The following ZMYM2 variants were observed in gnomAD, a reference collection of about 807,000 sequenced individuals.
ZMYM2 encodes zinc finger MYM-type containing 2.
A neutral mutation model predicts 162.8 loss-of-function variants in ZMYM2; 56 were observed. The observed-to-expected ratio is 0.34, with a 90% CI of 0.28 to 0.43. The LOEUF (loss-of-function observed/expected upper bound fraction) is 0.43, where lower values mean the gene tolerates loss of function less well. ZMYM2 is among the 20% of genes least tolerant of loss of function. The pLI is 1.00. For synonymous variants in ZMYM2, 510 were observed against 541.6 expected (o/e 0.94, Z 0.81); for missense variants, 1,275 against 1,621.8 (o/e 0.79, Z 3.67).
chr13:19,984,697 G>C (rs532846756), intron 2 of ZMYM2, among the ~76,000 whole-genome samples: 2 of 152,272 alleles, frequency 1.3e-5, no homozygotes, highest in African/African-American at 4.8e-5. Flanking sequence ...ATGTTTTCTG[G>C]TTGAAACATT....
chr13:19,913,812 C>T, the ZMYM2 span, among the ~76,000 whole-genome samples: 1 of 152,188 alleles, frequency 6.6e-6, no homozygotes, highest in South Asian at 2.1e-4. Flanking sequence ...GAAGCATTCG[C>T]CTGAATGCCC....
chr13:20,045,141 C>T (rs1954648602), intron 12 of ZMYM2, among the ~76,000 whole-genome samples: 1 of 149,614 alleles, frequency 6.7e-6, no homozygotes, highest in African/African-American at 2.5e-5. Flanking sequence ...ATGAAATAGT[C>T]GAATATGGAG....
chr13:19,906,284 G>GTGTATA, the ZMYM2 span, among the ~76,000 whole-genome samples: 163 of 63,786 alleles, frequency 2.6e-3, no homozygotes, highest in African/African-American at 8.6e-3. Flanking sequence ...TCAAAAAAAA[G>GTGTATA]TATATATATA....
chr13:20,082,583 T>C (rs180809638), intron 22 of ZMYM2, among the ~76,000 whole-genome samples, 198 bp from the exon 23 acceptor site: 75 of 152,312 alleles, frequency 4.9e-4, no homozygotes, highest in African/African-American at 1.8e-3. Flanking sequence ...CAGTCCCTTA[T>C]TCCATAGATA....
intron 12 of ZMYM2, among the ~76,000 whole-genome samples, chr13:20,043,571 G>A (rs1312667296): frequency 6.6e-6 from 1 of 151,994 alleles, no homozygotes; most frequent in South Asian, 2.1e-4. Flanking sequence ...GCTCTTGGTC[G>A]CTCAGGGAGG....
the ZMYM2 span, among the ~76,000 whole-genome samples, chr13:19,921,942 C>T: frequency 6.6e-6 from 1 of 151,580 alleles, no homozygotes; most frequent in East Asian, 1.9e-4. Flanking sequence ...GAGATGGAAT[C>T]TCACTTTGTC....
chr13:19,934,482 T>C, the ZMYM2 span, among the ~76,000 whole-genome samples: 1 of 152,206 alleles, frequency 6.6e-6, no homozygotes, highest in African/African-American at 2.4e-5. Flanking sequence ...ATTTCTTAAA[T>C]TCGTCAATTT....
chr13:20,012,691 T>G (rs964585977), intron 6 of ZMYM2, among the ~76,000 whole-genome samples: 3 of 152,190 alleles, frequency 2.0e-5, no homozygotes. Flanking sequence ...TGTTTTGTAC[T>G]GGAATTCCAG....
the ZMYM2 span, among the ~76,000 whole-genome samples, chr13:19,880,583 C>G: frequency 8.9e-4 from 136 of 152,178 alleles, no homozygotes; most frequent in African/African-American, 3.1e-3. Flanking sequence ...TGCATGCCGC[C>G]ACGCCCGGCT....
the ZMYM2 span, among the ~76,000 whole-genome samples, chr13:19,903,743 G>A: frequency 6.6e-6 from 1 of 151,720 alleles, no homozygotes; most frequent in African/African-American, 2.4e-5. Flanking sequence ...CAGCTACTTG[G>A]GAGGCTGAGA....
chr13:19,949,485 C>T, the ZMYM2 span, among the ~76,000 whole-genome samples: 1 of 151,942 alleles, frequency 6.6e-6, no homozygotes, highest in Non-Finnish European at 1.5e-5. Flanking sequence ...TCCTAGCAGT[C>T]GGGAAGCTGA....
chr13:19,964,698 C>CT (rs1049415872), intron 2 of ZMYM2, among the ~76,000 whole-genome samples: 1 of 150,804 alleles, frequency 6.6e-6, no homozygotes, highest in African/African-American at 2.4e-5. Context: ...GTTTTTCTCT[C>CT]TTTTTCAGAG....
chr13:19,915,685 G>T, the ZMYM2 span, among the ~76,000 whole-genome samples: 1 of 150,578 alleles, frequency 6.6e-6, no homozygotes, highest in South Asian at 2.1e-4. Flanking sequence ...TGTATTTTTA[G>T]TAGAGACAGA....
In ZMYM2 at chr13:19,993,182, G is replaced by A. The variant is rs1007180567; in HGVS notation, c.110G>A (p.Gly37Asp). The change falls in exon 3 of 25, where the codon GGT (glycine) becomes GAT (aspartate). Residue 37 changes from glycine to aspartate, a missense_variant. Transcript: ENST00000610343. ...ACGAATGTAGGAAACTCATTTAGTG[G>A]TCCAGCTAATCCTTTAGTGTCTAGA... ...SLTNVGNSFSGPANPLVSRSN... is the reference protein window; with the variant it reads ...SLTNVGNSFSDPANPLVSRSN... 1.2e-6 allele frequency: 2 copies of A among 1,614,114 alleles called. No homozygotes were observed. The highest frequency in any genetic ancestry group is 1.7e-6 in the Non-Finnish European group (2 of 1,180,000).
chr13:19,880,157 A>C, the ZMYM2 span, among the ~76,000 whole-genome samples: 1 of 152,178 alleles, frequency 6.6e-6, no homozygotes, highest in Admixed American at 6.6e-5. Flanking sequence ...TTCAGACAGC[A>C]TACTGTGGGA....
At chr13:19,893,255 CT>C in the ZMYM2 span, among the ~76,000 whole-genome samples, 1 of 147,068 alleles carries the variant, frequency 6.8e-6, no homozygotes, top group Non-Finnish European at 1.5e-5. Context: ...CTGAATTTGC[CT>C]GTTCTTGATA....
the ZMYM2 span, among the ~76,000 whole-genome samples, chr13:19,920,804 C>A: frequency 6.6e-6 from 1 of 152,092 alleles, no homozygotes; most frequent in Non-Finnish European, 1.5e-5. Context: ...CGCTCTGTCT[C>A]CAGGCTGGAG....
intron 21 of ZMYM2, among the ~76,000 whole-genome samples, chr13:20,078,088 A>G (rs1301584856): frequency 2.6e-5 from 4 of 152,050 alleles, no homozygotes; most frequent in African/African-American, 9.7e-5. Context: ...CAGTGCTGGG[A>G]TTACAGACGT....
Position 20,009,228 on chromosome 13 carries a change from A to C in ZMYM2, c.1512+2642A>C, listed in dbSNP as rs1719491388. 2.0e-5 allele frequency among the ~76,000 whole-genome samples: 3 copies of C among 152,304 alleles called. No homozygotes were observed. In the South Asian group the frequency reaches 6.2e-4, roughly 32 times the overall value. ...CTTCAGCGCAGACAAAATTAAGTGG[A>C]CAAATTTCTATAGATGAAATAGAGA... On this transcript the variant is annotated intron_variant, in intron 6 of 24. Coordinates refer to ENST00000610343, the MANE Select transcript of ZMYM2 (RefSeq NM_197968.4).
Sources: allele counts gnomAD v4.1 joint callset (sites outside exome capture counted in the v4.1 genomes callset), GRCh38; gene constraint gnomAD v4.1.1; transcripts MANE v1.5; gene names NCBI Gene and HGNC (gene_info 2026-07-23, HGNC 2026-07-21).